The following MEIKIN variants were observed in gnomAD, a reference collection of about 807,000 sequenced individuals.
MEIKIN encodes meiotic kinetochore factor.
chr5:131,845,102 C>T (rs946946588), intron 11 of MEIKIN, among the ~76,000 whole-genome samples: 1 of 151,716 alleles, frequency 6.6e-6, no homozygotes, highest in African/African-American at 2.4e-5. Flanking sequence ...AACCTCATCT[C>T]TATTAAAAAC....
chr5:131,874,425 A>T (rs1175408025), intron 9 of MEIKIN, among the ~76,000 whole-genome samples: 1 of 152,182 alleles, frequency 6.6e-6, no homozygotes, highest in Non-Finnish European at 1.5e-5. Flanking sequence ...GGACACATAC[A>T]TCGTCCCAAG....
intron 10 of MEIKIN, among the ~76,000 whole-genome samples, chr5:131,853,487 T>C (rs1321245341): frequency 6.6e-6 from 1 of 151,972 alleles, no homozygotes; most frequent in Non-Finnish European, 1.5e-5. Flanking sequence ...AAAGAACAGG[T>C]GAGAAAAGAA....
intron 9 of MEIKIN, among the ~76,000 whole-genome samples, chr5:131,859,107 C>T (rs1375551237): frequency 3.3e-5 from 5 of 152,098 alleles, no homozygotes; most frequent in African/African-American, 1.2e-4. Context: ...ATCATTCTAC[C>T]ATAAAGACAC....
chr5:131,858,857 A>G (rs1181725944), intron 9 of MEIKIN, among the ~76,000 whole-genome samples: 2 of 152,234 alleles, frequency 1.3e-5, no homozygotes, highest in Admixed American at 1.3e-4. Flanking sequence ...GATAAATGCA[A>G]ATCAAAACCA....
At chr5:131,908,103 A>G (rs1751272913) in intron 8 of MEIKIN, among the ~76,000 whole-genome samples, 1 of 152,170 alleles carries the variant, frequency 6.6e-6, no homozygotes, top group Non-Finnish European at 1.5e-5. Flanking sequence ...TATTACCCTG[A>G]TACAAAAACC....
At chr5:131,817,685 A>G (rs1359064993) in intron 12 of MEIKIN, among the ~76,000 whole-genome samples, 1 of 152,108 alleles carries the variant, frequency 6.6e-6, no homozygotes, top group Non-Finnish European at 1.5e-5. Flanking sequence ...AACCCTGACA[A>G]ATACAATTAT....
intron 12 of MEIKIN, among the ~76,000 whole-genome samples, chr5:131,814,096 C>T (rs922335599): frequency 6.6e-6 from 1 of 151,912 alleles, no homozygotes; most frequent in Non-Finnish European, 1.5e-5. Context: ...ATAGATGATG[C>T]CCACCAAATT....
chr5:131,862,025 G>C (rs1224128068), intron 9 of MEIKIN, among the ~76,000 whole-genome samples: 1 of 152,126 alleles, frequency 6.6e-6, no homozygotes. Flanking sequence ...AGGAAGACTG[G>C]TATTAGTTTT....
At chr5:131,884,140 A>G (rs1750738703) in intron 8 of MEIKIN, among the ~76,000 whole-genome samples, 1 of 114,036 alleles carries the variant, frequency 8.8e-6, no homozygotes, top group Non-Finnish European at 1.7e-5. Flanking sequence ...GCTCAGAGCC[A>G]GTGGACTTGG....
At chr5:131,908,996 C>T (rs1751290080) in intron 8 of MEIKIN, among the ~76,000 whole-genome samples, 3 of 152,122 alleles carry the variant, frequency 2.0e-5, no homozygotes, top group African/African-American at 7.2e-5. Context: ...TATGGCCACA[C>T]TACCCAAAGC....
rs140146522 is a variant in MEIKIN at position 131,893,693 on chromosome 5, C to T, written c.704-14645G>A. ...ATCTTCTGCGTCGCTCATGCTGGGA[C>T]CCGCAGACTGGAGCTGTTCCTATTC... On this transcript the variant is annotated intron_variant, in intron 8 of 12. Coordinates refer to ENST00000442687, the MANE Select transcript of MEIKIN (RefSeq NM_001303622.2). 3.8e-3 allele frequency among the ~76,000 whole-genome samples: 571 copies of T among 152,266 alleles called. 2 individuals are homozygous for T. Among genetic ancestry groups the T allele is most frequent in the Middle Eastern group, 6.8e-3 (2 of 294 alleles).
chr5:131,899,810 G>A (rs1048797702), intron 8 of MEIKIN, among the ~76,000 whole-genome samples: 11 of 152,132 alleles, frequency 7.2e-5, no homozygotes, highest in African/African-American at 2.7e-4. Flanking sequence ...GGGTCATCCA[G>A]ATATATAAAG....
chr5:131,913,086 T>C (rs1751356178), intron 7 of MEIKIN, among the ~76,000 whole-genome samples: 1 of 152,210 alleles, frequency 6.6e-6, no homozygotes, highest in African/African-American at 2.4e-5. Context: ...CCTTTTAAAC[T>C]TGAAGTATTC....
chr5:131,892,614 A>G (rs370376171), intron 8 of MEIKIN, among the ~76,000 whole-genome samples: 2 of 152,128 alleles, frequency 1.3e-5, no homozygotes, highest in Non-Finnish European at 2.9e-5. Flanking sequence ...TTATCCATTC[A>G]TCTAATTTTT....
intron 9 of MEIKIN, among the ~76,000 whole-genome samples, chr5:131,871,432 C>T (rs558426918): frequency 3.3e-5 from 5 of 152,196 alleles, no homozygotes; most frequent in East Asian, 1.9e-4. Context: ...AACTGCAAGG[C>T]GACAGCGAGG....
intron 5 of MEIKIN, among the ~76,000 whole-genome samples, chr5:131,929,415 T>A (rs1751643999): frequency 6.6e-6 from 1 of 152,214 alleles, no homozygotes. Context: ...TCTCTGGGAC[T>A]CCCATAATGC....
chr5:131,864,017 G>A (rs1750335891), intron 9 of MEIKIN, among the ~76,000 whole-genome samples: 1 of 152,082 alleles, frequency 6.6e-6, no homozygotes, highest in African/African-American at 2.4e-5. Flanking sequence ...ATGTGAAAAT[G>A]GAGTAATTCA....
intron 8 of MEIKIN, among the ~76,000 whole-genome samples, chr5:131,888,741 T>C (rs2149632896): frequency 6.6e-6 from 1 of 152,362 alleles, no homozygotes; most frequent in Admixed American, 6.5e-5. Flanking sequence ...AATTTTGGCG[T>C]TTGTTGCCAT....
chr5:131,944,754 T>A lies in MEIKIN; in HGVS notation c.201-2A>T. 1 of 399,070 alleles carries A rather than the reference T, an allele frequency of 2.5e-6. No individual in the cohort carries two copies. The highest frequency in any genetic ancestry group is 4.4e-6 in the Non-Finnish European group (1 of 226,054). The allele number at this position is 399,070 out of a possible 1,614,324, so 24.7% of individuals were successfully genotyped here. The stretch of plus-strand genomic sequence containing the variant: ...TCTCCTGTAACTCCTAAGCGAGGGC[T>A]AACAAAGAGACAACGCAATTAGTTT... On this transcript the variant is annotated splice_acceptor_variant, in intron 2 of 12. Transcript: ENST00000442687. LOFTEE classifies it high-confidence loss of function.
Sources: gnomAD v4.1 joint callset for allele counts (sites outside exome capture counted in the v4.1 genomes callset) on GRCh38, gnomAD v4.1.1 for gene constraint, MANE v1.5 for transcripts, NCBI Gene and HGNC (gene_info 2026-07-23, HGNC 2026-07-21) for gene names.